The following GABRA3 variants were observed in gnomAD, a reference collection of about 807,000 sequenced individuals.
GABRA3 encodes the protein gamma-aminobutyric acid receptor subunit alpha-3.
In GABRA3, 10 loss-of-function variants were observed where a neutral mutation model predicts 30.1. The ratio of observed to expected loss-of-function variants is 0.33; its 90% CI spans 0.20 to 0.56. The LOEUF (loss-of-function observed/expected upper bound fraction) is 0.56, where lower values mean the gene tolerates loss of function less well. Ranked by LOEUF, GABRA3 falls within the 20% of genes least tolerant of loss-of-function variation. The pLI, the probability that GABRA3 is intolerant of heterozygous loss-of-function variation, is 0.89. For missense variants in GABRA3, 233 were observed against 392.0 expected (o/e 0.59, Z 3.42); for synonymous variants, 151 against 146.8 (o/e 1.03, Z -0.21).
At chrX:152,232,379 G>A (rs113799352) in intron 5 of GABRA3, among the ~76,000 whole-genome samples, 2,349 of 109,425 alleles carry the variant, frequency 0.021, 59 homozygotes, top group African/African-American at 0.074. Context: ...TGTATATTGT[G>A]CCATTTAGGT....
chrX:152,190,410 T>C (rs1266036316), intron 8 of GABRA3, among the ~76,000 whole-genome samples: 1 of 111,644 alleles, frequency 9.0e-6, no homozygotes, highest in Non-Finnish European at 1.9e-5. Context: ...AAAAGGGTGA[T>C]GGCTCCTTGC....
intron 3 of GABRA3, among the ~76,000 whole-genome samples, chrX:152,320,606 C>T (rs1844973): frequency 0.1 from 11,355 of 110,744 alleles, 843 homozygotes; most frequent in African/African-American, 0.25. Context: ...TAAAAGACTA[C>T]AAATGGGGTT....
intron 3 of GABRA3, among the ~76,000 whole-genome samples, chrX:152,338,727 T>C (rs898897809): frequency 8.9e-6 from 1 of 112,276 alleles, no homozygotes; most frequent in Non-Finnish European, 1.9e-5. Context: ...AGATAGGGGT[T>C]GAGTTTCATT....
chrX:152,184,095 C>A (rs1937222032), intron 9 of GABRA3, among the ~76,000 whole-genome samples: 1 of 110,430 alleles, frequency 9.1e-6, no homozygotes, highest in Non-Finnish European at 1.9e-5. Flanking sequence ...TTCAATACCT[C>A]TTCCTTATTC....
At chrX:152,243,062 C>A (rs959955074) in intron 5 of GABRA3, among the ~76,000 whole-genome samples, 1 of 111,680 alleles carries the variant, frequency 9.0e-6, no homozygotes, top group Non-Finnish European at 1.9e-5. Flanking sequence ...CTGCCACTTG[C>A]GACAACATGG....
At chrX:152,343,401 T>C (rs1940343089) in intron 3 of GABRA3, among the ~76,000 whole-genome samples, 1 of 109,380 alleles carries the variant, frequency 9.1e-6, no homozygotes, top group Non-Finnish European at 1.9e-5. Flanking sequence ...ATCTGGTCCT[T>C]ATTTTCTTTC....
chrX:152,405,614 A>G (rs751355739), intron 1 of GABRA3, among the ~76,000 whole-genome samples: 127 of 110,965 alleles, frequency 1.1e-3, no homozygotes, highest in Non-Finnish European at 1.9e-3. Flanking sequence ...TTGTCCTGCG[A>G]CGTGGATACC....
chrX:152,328,672 A>C (rs1940108785), intron 3 of GABRA3, among the ~76,000 whole-genome samples: 1 of 111,838 alleles, frequency 8.9e-6, no homozygotes, highest in Non-Finnish European at 1.9e-5. Context: ...AAAACTCCCA[A>C]TAAACTAGGT....
chrX:152,364,263 T>C lies in GABRA3; in HGVS notation c.140+168A>G, dbSNP rs188762343. On this transcript the variant is annotated intron_variant, in intron 2 of 9. Transcript: ENST00000370314. ...TAAGAAAAAGAAACTTTGAGATCTC[T>C]TTCTACTTTGAGAGTCTGAGCCTAT... 2.7e-4 allele frequency among the ~76,000 whole-genome samples: 30 copies of C among 111,705 alleles called. 1 individual carries two copies. The East Asian group carries it at 7.9e-3, about 29-fold the overall frequency.
intron 3 of GABRA3, among the ~76,000 whole-genome samples, chrX:152,318,286 A>T (rs919256920): frequency 9.0e-6 from 1 of 111,595 alleles, no homozygotes; most frequent in Non-Finnish European, 1.9e-5. Context: ...AACCCTGAAC[A>T]GACCAATAAC....
At chrX:152,199,394 C>T (rs1171568895) in intron 7 of GABRA3, among the ~76,000 whole-genome samples, 2 of 108,532 alleles carry the variant, frequency 1.8e-5, no homozygotes, top group Non-Finnish European at 3.8e-5. Flanking sequence ...AAGCAAAAAA[C>T]AAGCAGAGGT....
At chrX:152,332,335 G>A (rs940994485) in intron 3 of GABRA3, among the ~76,000 whole-genome samples, 1 of 111,360 alleles carries the variant, frequency 9.0e-6, no homozygotes, top group African/African-American at 3.3e-5. Flanking sequence ...TCCTTTTTCT[G>A]GTGGAGAGTG....
intron 3 of GABRA3, among the ~76,000 whole-genome samples, chrX:152,327,653 T>C (rs1940085550): frequency 9.0e-6 from 1 of 111,638 alleles, no homozygotes; most frequent in African/African-American, 3.3e-5. Context: ...TGGAAACCAA[T>C]GAGAACAAAG....
At position 152,231,911 on chromosome X, in the gene GABRA3, G is replaced by A. The variant is rs989017506; in HGVS notation, c.552-7066C>T. On this transcript the variant is annotated intron_variant, in intron 5 of 9. Coordinates refer to ENST00000370314, the MANE Select transcript of GABRA3 (RefSeq NM_000808.4). ...TGAAAATAGCGAGACACAAAATGTC[G>A]CACACTGTATGATTCCATTCACATG... 5.4e-5 allele frequency among the ~76,000 whole-genome samples: 6 copies of A among 111,462 alleles called. No individual in the cohort carries two copies. In the East Asian group the frequency reaches 8.5e-4, roughly 16 times the overall value.
chrX:152,408,466 CCATTTA>C (rs1222750691), intron 1 of GABRA3, among the ~76,000 whole-genome samples: 2 of 110,707 alleles, frequency 1.8e-5, no homozygotes, highest in Non-Finnish European at 3.8e-5. Flanking sequence ...GAAAGTATTC[CCATTTA>C]CAATAGCTAC....
At chrX:152,277,661 C>T (rs967731680) in intron 4 of GABRA3, among the ~76,000 whole-genome samples, 1 of 111,868 alleles carries the variant, frequency 8.9e-6, no homozygotes, top group Admixed American at 9.6e-5. Context: ...CCCTTGTATA[C>T]GCTCCAAGGA....
chrX:152,237,783 G>T (rs1477936156), intron 5 of GABRA3, among the ~76,000 whole-genome samples: 1 of 106,169 alleles, frequency 9.4e-6, no homozygotes, highest in Non-Finnish European at 1.9e-5. Context: ...TCATGATTTG[G>T]TTCTCTGTTT....
chrX:152,325,071 A>T (rs1366132040), intron 3 of GABRA3, among the ~76,000 whole-genome samples: 1 of 111,465 alleles, frequency 9.0e-6, no homozygotes, highest in African/African-American at 3.3e-5. Context: ...TCTTTACTAG[A>T]TAACACACCT....
intron 1 of GABRA3, among the ~76,000 whole-genome samples, chrX:152,376,049 G>T (rs1603250428): frequency 8.9e-6 from 1 of 112,051 alleles, no homozygotes; most frequent in South Asian, 3.7e-4. Context: ...GCTGTCCTCA[G>T]GTTGCTGAAA....
Sources: gnomAD v4.1 joint callset for allele counts (sites outside exome capture counted in the v4.1 genomes callset) on GRCh38, gnomAD v4.1.1 for gene constraint, MANE v1.5 for transcripts, NCBI Gene and HGNC (gene_info 2026-07-23, HGNC 2026-07-21) for gene names.